The following UBE2QL1 variants were observed in gnomAD, a reference collection of about 807,000 sequenced individuals.
UBE2QL1 encodes ubiquitin conjugating enzyme E2 QL1.
UBE2QL1 carries 5 observed loss-of-function variants against 12.6 expected under a neutral mutation model. The ratio of observed to expected loss-of-function variants is 0.40; its 90% CI spans 0.21 to 0.83. UBE2QL1 has a LOEUF of 0.83. Ranked by LOEUF, UBE2QL1 falls within the 40% of genes least tolerant of loss-of-function variation. The probability of loss-of-function intolerance (pLI) is 0.37; values close to 1 mark genes in which losing one functional copy is unlikely to be tolerated. For synonymous variants in UBE2QL1, 96 were observed against 94.5 expected (o/e 1.02, Z -0.10); for missense variants, 99 against 222.6 (o/e 0.44, Z 3.53).
chr5:6,456,561 G>A (rs1739529832), intron 1 of UBE2QL1, among the ~76,000 whole-genome samples: 1 of 152,196 alleles, frequency 6.6e-6, no homozygotes, highest in African/African-American at 2.4e-5. Flanking sequence ...GCTAAGCTAA[G>A]GTTTAATTGT....
At chr5:6,474,185 A>G (rs1351545132) in intron 1 of UBE2QL1, among the ~76,000 whole-genome samples, 5 of 152,248 alleles carry the variant, frequency 3.3e-5, no homozygotes, top group Non-Finnish European at 7.3e-5. Context: ...TTGCCTGTGC[A>G]CGTGGTGTGT....
intron 1 of UBE2QL1, among the ~76,000 whole-genome samples, chr5:6,469,143 T>C (rs1036039973): frequency 2.0e-5 from 3 of 152,194 alleles, no homozygotes; most frequent in African/African-American, 7.2e-5. Context: ...TCCACCAGCA[T>C]TGATGGAGGG....
At chr5:6,480,542 A>G (rs1734338493) in intron 1 of UBE2QL1, among the ~76,000 whole-genome samples, 1 of 152,220 alleles carries the variant, frequency 6.6e-6, no homozygotes, top group African/African-American at 2.4e-5. Context: ...TCTCCAAAAA[A>G]TAACCTTGAG....
chr5:6,489,071 T>A (rs1579303899), intron 1 of UBE2QL1, among the ~76,000 whole-genome samples: 2 of 152,132 alleles, frequency 1.3e-5, no homozygotes, highest in South Asian at 4.1e-4. Flanking sequence ...CCATTTCCTG[T>A]CATCTTTTCC....
intron 1 of UBE2QL1, among the ~76,000 whole-genome samples, chr5:6,468,443 T>C (rs1314990957): frequency 6.6e-6 from 1 of 152,118 alleles, no homozygotes; most frequent in African/African-American, 2.4e-5. Context: ...AGGCAGGCAG[T>C]GCAGACACTC....
chr5:6,457,108 A>G (rs1431570788), intron 1 of UBE2QL1, among the ~76,000 whole-genome samples: 1 of 151,648 alleles, frequency 6.6e-6, no homozygotes, highest in Non-Finnish European at 1.5e-5. Context: ...TAGCTTTATC[A>G]CATCTGGTTA....
At chr5:6,455,120 T>C (rs1445624162) in intron 1 of UBE2QL1, among the ~76,000 whole-genome samples, 1 of 152,190 alleles carries the variant, frequency 6.6e-6, no homozygotes, top group Non-Finnish European at 1.5e-5. Context: ...TTGTATACTT[T>C]TCTGATTTCC....
chr5:6,495,794 G>C lies in UBE2QL1; in HGVS notation c.*4445G>C, dbSNP rs1384115985. 6.6e-6 allele frequency among the ~76,000 whole-genome samples: 1 copy of C among 152,182 alleles called. No individual in the cohort carries two copies. Among genetic ancestry groups the C allele is most frequent in the Non-Finnish European group, 1.5e-5 (1 of 68,036 alleles). On this transcript the variant is annotated 3_prime_UTR_variant, in exon 2 of 2. Coordinates refer to ENST00000399816, the MANE Select transcript of UBE2QL1 (RefSeq NM_001145161.3). ...TTTTCTCCAAAGACAGTGAAATCAT[G>C]TACAGCTCTGTTCTTAGTTTTCTGC... is the stretch of plus-strand genomic sequence containing the variant.
At position 6,476,353 on chromosome 5, in the gene UBE2QL1, T is replaced by G. The variant is rs1052885546; in HGVS notation, c.355-14865T>G. Among the ~76,000 whole-genome samples the G allele has an allele frequency of 3.9e-5, 6 of 152,206 alleles. No homozygotes were observed. The highest frequency in any genetic ancestry group is 1.4e-4 in the African/African-American group (6 of 41,446). ...TCCAGCTTATTTTGAGGTGTTTGGT[T>G]GTTAAAAGTTTTTCAGCACTTAAAG... On this transcript the variant is annotated intron_variant, in intron 1 of 1. Transcript: ENST00000399816. The surrounding 1 kb of genome is among the most constrained non-coding windows in gnomAD (Gnocchi z 4.9).
At chr5:6,483,081 A>G (rs1444742570) in intron 1 of UBE2QL1, among the ~76,000 whole-genome samples, 2 of 152,220 alleles carry the variant, frequency 1.3e-5, no homozygotes, top group Non-Finnish European at 1.5e-5. Flanking sequence ...AAGAAAAGAC[A>G]TGCTTACTGT....
intron 1 of UBE2QL1, among the ~76,000 whole-genome samples, chr5:6,490,124 G>A (rs988977885): frequency 6.6e-6 from 1 of 152,210 alleles, no homozygotes; most frequent in Non-Finnish European, 1.5e-5. Flanking sequence ...GAGAGCCTGG[G>A]GGAGGTTAAG....
At chr5:6,472,765 A>T (rs1016566636) in intron 1 of UBE2QL1, among the ~76,000 whole-genome samples, 1 of 152,122 alleles carries the variant, frequency 6.6e-6, no homozygotes, top group Non-Finnish European at 1.5e-5. Context: ...TTTATTGAGG[A>T]AAAAAAGCCC....
In UBE2QL1 at chr5:6,478,389, G is replaced by A. The variant is rs1217977983; in HGVS notation, c.355-12829G>A. Among the ~76,000 whole-genome samples the A allele has an allele frequency of 3.3e-5, 5 of 152,212 alleles. No individual in the cohort carries two copies. Among genetic ancestry groups the A allele is most frequent in the Admixed American group, 6.5e-5 (1 of 15,280 alleles). On this transcript the variant is annotated intron_variant, in intron 1 of 1. Coordinates refer to ENST00000399816, the MANE Select transcript of UBE2QL1 (RefSeq NM_001145161.3). The surrounding 1 kb of genome is among the most constrained non-coding windows in gnomAD (Gnocchi z 4.5). The stretch of plus-strand genomic sequence containing the variant: ...CCATCAAGCGCAAAGCCTCCCTGAA[G>A]CCACCTCAGCAGTGAAAGCACCAGG...
At chr5:6,489,547 T>C (rs1734526208) in intron 1 of UBE2QL1, among the ~76,000 whole-genome samples, 1 of 152,224 alleles carries the variant, frequency 6.6e-6, no homozygotes, top group Non-Finnish European at 1.5e-5. Flanking sequence ...AACCCTGGAC[T>C]CCTGACTCCT....
chr5:6,492,431 C>T lies in UBE2QL1; in HGVS notation c.*1082C>T, dbSNP rs1448130583. The T allele has an allele frequency of 6.6e-6, 1 of 152,132 alleles. No individual in the cohort carries two copies. The highest frequency in any genetic ancestry group is 1.9e-4 in the East Asian group (1 of 5,196). The allele number at this position is 152,132 out of a possible 1,614,324, so 9.4% of individuals were successfully genotyped here. The stretch of plus-strand genomic sequence containing the variant: ...GTAAACTTCCTGTTATTTAATCTCC[C>T]CCACGGTTTCATTTTTCTCTTCTGT... On this transcript the variant is annotated 3_prime_UTR_variant, in exon 2 of 2. Coordinates refer to ENST00000399816, the MANE Select transcript of UBE2QL1 (RefSeq NM_001145161.3).
intron 1 of UBE2QL1, among the ~76,000 whole-genome samples, chr5:6,457,566 GT>G (rs35226589): frequency 0.3 from 45,912 of 151,842 alleles, 7,730 homozygotes; most frequent in East Asian, 0.51. Flanking sequence ...GCGATGCAAC[GT>G]AAGTGCTTAC....
intron 1 of UBE2QL1, among the ~76,000 whole-genome samples, chr5:6,471,289 C>T (rs1739908351): frequency 1.3e-5 from 2 of 152,226 alleles, no homozygotes; most frequent in South Asian, 2.1e-4. Context: ...CATGTCTTCT[C>T]TCCTAGTTTC....
Position 6,448,862 on chromosome 5 carries a change from A to G in UBE2QL1, c.-32A>G. ...AGCCTGGTCCCCGCGGCGCGCCAGCAACACTGCACGCAGGTGCGCAGCCGG... is the reference window on the plus strand; with the variant it reads ...AGCCTGGTCCCCGCGGCGCGCCAGCGACACTGCACGCAGGTGCGCAGCCGG... On this transcript the variant is annotated 5_prime_UTR_variant, in exon 1 of 2. Coordinates refer to ENST00000399816, the MANE Select transcript of UBE2QL1 (RefSeq NM_001145161.3). The G allele has an allele frequency of 7.6e-7, 1 of 1,321,504 alleles. No individual in the cohort carries two copies. The highest frequency in any genetic ancestry group is 3.1e-5 in the East Asian group (1 of 32,148). The allele number at this position is 1,321,504 out of a possible 1,614,324, so 81.9% of individuals were successfully genotyped here.
At chr5:6,462,374 C>T (rs137987929) in intron 1 of UBE2QL1, among the ~76,000 whole-genome samples, 27 of 152,242 alleles carry the variant, frequency 1.8e-4, no homozygotes, top group African/African-American at 4.6e-4. Context: ...TTCCAGTGGA[C>T]GGGGCATGCA....
Sources: allele counts gnomAD v4.1 joint callset (sites outside exome capture counted in the v4.1 genomes callset), GRCh38; gene constraint gnomAD v4.1.1; non-coding constraint Gnocchi (gnomAD v3.1); transcripts MANE v1.5; gene names NCBI Gene and HGNC (gene_info 2026-07-23, HGNC 2026-07-21).